CACNA1C: variants seen among roughly 807,000 people sequenced by gnomAD.
The protein encoded by CACNA1C is calcium voltage-gated channel subunit alpha1 C.
A neutral mutation model predicts 229.0 loss-of-function variants in CACNA1C; 30 were observed. The observed-to-expected ratio is 0.13, with a 90% CI of 0.10 to 0.18. The LOEUF (loss-of-function observed/expected upper bound fraction) is 0.18, where lower values mean the gene tolerates loss of function less well. CACNA1C is among the 10% of genes least tolerant of loss of function. The probability of loss-of-function intolerance (pLI) is 1.00; values close to 1 mark genes in which losing one functional copy is unlikely to be tolerated. For missense variants in CACNA1C, 1,658 were observed against 2,845.0 expected (o/e 0.58, Z 9.49); for synonymous variants, 1,114 against 1,132.5 (o/e 0.98, Z 0.33).
chr12:2,091,370 C>A (rs1054158664), intron 1 of CACNA1C, among the ~76,000 whole-genome samples: 1 of 152,224 alleles, frequency 6.6e-6, no homozygotes, highest in African/African-American at 2.4e-5. Flanking sequence ...TGGCTTAAAA[C>A]AACACAGTTT....
chr12:2,305,358 G>C (rs1346480392), intron 3 of CACNA1C, among the ~76,000 whole-genome samples: 1 of 152,240 alleles, frequency 6.6e-6, no homozygotes, highest in East Asian at 1.9e-4. Flanking sequence ...TTATGGTGCA[G>C]CCTCAGGTGG....
At chr12:2,126,509 T>G (rs2090126427) in intron 3 of CACNA1C, among the ~76,000 whole-genome samples, 1 of 152,190 alleles carries the variant, frequency 6.6e-6, no homozygotes, top group South Asian at 2.1e-4. Context: ...AGTTGAAATA[T>G]TAAGAGAATA....
intron 3 of CACNA1C, among the ~76,000 whole-genome samples, chr12:2,224,736 A>G (rs181640421): frequency 6.6e-6 from 1 of 152,330 alleles, no homozygotes; most frequent in East Asian, 1.9e-4. Context: ...AGTGTTGGAG[A>G]TAATTACATC....
chr12:2,515,193 A>G (rs1350983247), intron 9 of CACNA1C, among the ~76,000 whole-genome samples: 2 of 152,210 alleles, frequency 1.3e-5, no homozygotes, highest in Non-Finnish European at 2.9e-5. Flanking sequence ...GGGAATGAAT[A>G]TTTTAAAAAG....
At chr12:2,670,767 G>A (rs2153736095) in intron 38 of CACNA1C, among the ~76,000 whole-genome samples, 1 of 152,014 alleles carries the variant, frequency 6.6e-6, no homozygotes, top group African/African-American at 2.4e-5. Context: ...GCTGAGGCAG[G>A]AGAATCGCTT....
chr12:2,372,886 T>A (rs2097909623), intron 3 of CACNA1C, among the ~76,000 whole-genome samples: 1 of 152,208 alleles, frequency 6.6e-6, no homozygotes, highest in Admixed American at 6.5e-5. Flanking sequence ...GGCCAGGGGC[T>A]CGTTAGCAAT....
chr12:2,553,014 C>T (rs535531297), intron 10 of CACNA1C, among the ~76,000 whole-genome samples: 25 of 151,732 alleles, frequency 1.6e-4, no homozygotes, highest in East Asian at 1.2e-3. Context: ...AGGAGAAGGG[C>T]GACAGCAAAG....
At chr12:2,204,078 AG>A in intron 3 of CACNA1C, among the ~76,000 whole-genome samples, 1 of 152,128 alleles carries the variant, frequency 6.6e-6, no homozygotes, top group East Asian at 1.9e-4. Flanking sequence ...ACAGTGTAAA[AG>A]TGTTCCTATT....
Position 2,595,792 on chromosome 12 carries a change from G to A in CACNA1C, c.2664-82G>A. The A allele has an allele frequency of 7.2e-7, 1 of 1,394,404 alleles. No homozygotes were observed. The highest frequency in any genetic ancestry group is 9.9e-7 in the Non-Finnish European group (1 of 1,005,742). The allele number at this position is 1,394,404 out of a possible 1,614,324, so 86.4% of individuals were successfully genotyped here. A position where few individuals can be genotyped will look rare whatever the true frequency, so the allele number is the denominator to read the frequency against. ...GTTGCCAGCTGCTGGGGAGAGCTGAGGAGAGGGGCTCCCAAGAGCCGACTG... is the reference window on the plus strand; with the variant it reads ...GTTGCCAGCTGCTGGGGAGAGCTGAAGAGAGGGGCTCCCAAGAGCCGACTG... On this transcript the variant is annotated intron_variant, in intron 19 of 46. Coordinates refer to ENST00000399655, the MANE Select transcript of CACNA1C (RefSeq NM_000719.7). This position sits in a 1 kb window ranked among gnomAD's most constrained non-coding sequence, Gnocchi z 4.1.
intron 5 of CACNA1C, among the ~76,000 whole-genome samples, chr12:2,478,362 T>G (rs960897092): frequency 6.6e-6 from 1 of 152,208 alleles, no homozygotes; most frequent in Admixed American, 6.5e-5. Flanking sequence ...ATGGCCAGCG[T>G]GCCCTAGGGC....
chr12:2,241,025 T>C (rs1165942807), intron 3 of CACNA1C, among the ~76,000 whole-genome samples: 1 of 152,074 alleles, frequency 6.6e-6, no homozygotes, highest in Non-Finnish European at 1.5e-5. Context: ...ATTTCACATG[T>C]TTCTCAAATA....
Position 2,562,176 on chromosome 12 carries a change from G to A in CACNA1C, c.1509-4246G>A, listed in dbSNP as rs563438754. ...CTGTCCACTCCGGCCACTCCTCAGG[G>A]GTCTGTGCAGAGCAGCTCCAGACCC... On this transcript the variant is annotated intron_variant, in intron 11 of 46. Coordinates refer to ENST00000399655, the MANE Select transcript of CACNA1C (RefSeq NM_000719.7). Among the ~76,000 whole-genome samples, 57 of 151,612 alleles carry A rather than the reference G, an allele frequency of 3.8e-4. 1 individual carries two copies. Among genetic ancestry groups the A allele is most frequent in the South Asian group, 6.3e-4 (3 of 4,762 alleles).
chr12:2,538,823 A>C (rs2099862003), intron 9 of CACNA1C, among the ~76,000 whole-genome samples: 1 of 152,240 alleles, frequency 6.6e-6, no homozygotes, highest in Non-Finnish European at 1.5e-5. Context: ...GTTTTCTGAA[A>C]GAGAAAATTA....
intron 1 of CACNA1C, among the ~76,000 whole-genome samples, chr12:2,032,886 C>T (rs2048467945): frequency 6.6e-6 from 1 of 152,206 alleles, no homozygotes; most frequent in Non-Finnish European, 1.5e-5. Flanking sequence ...AAGCGCTGGT[C>T]CTGGAAATAA....
rs780102514 is a variant in CACNA1C, at chr12:2,677,901, T to C, written c.5091+34T>C. On this transcript the variant is annotated intron_variant, in intron 41 of 46. Coordinates refer to ENST00000399655, the MANE Select transcript of CACNA1C (RefSeq NM_000719.7). The surrounding 1 kb of genome is among the most constrained non-coding windows in gnomAD (Gnocchi z 7.4). ...TGCCATGGCGCACTCTCGACCCCTATAAAGTTCAGTTTGGAGCAAGAGGTT... is the reference window on the plus strand; with the variant it reads ...TGCCATGGCGCACTCTCGACCCCTACAAAGTTCAGTTTGGAGCAAGAGGTT... 6.2e-7 allele frequency: 1 copy of C among 1,610,780 alleles called. No homozygotes were observed. The highest frequency in any genetic ancestry group is 2.2e-5 in the East Asian group (1 of 44,768).
At chr12:2,013,844 G>A (rs2044855666) in intron 1 of CACNA1C, among the ~76,000 whole-genome samples, 1 of 152,176 alleles carries the variant, frequency 6.6e-6, no homozygotes, top group South Asian at 2.1e-4. Context: ...ATTGCTGAAA[G>A]AGCTCTTAGA....
chr12:2,035,885 C>T (rs535538281), intron 1 of CACNA1C, among the ~76,000 whole-genome samples: 1 of 152,136 alleles, frequency 6.6e-6, no homozygotes, highest in Non-Finnish European at 1.5e-5. Flanking sequence ...TTCTTTATGC[C>T]GGATCTAAAT....
chr12:2,406,664 A>G (rs59679560), intron 3 of CACNA1C, among the ~76,000 whole-genome samples: 28,588 of 152,026 alleles, frequency 0.19, 3,218 homozygotes, highest in African/African-American at 0.31. Context: ...GACTTTCTGC[A>G]TTTCCACGGT....
At position 2,324,999 on chromosome 12, in the gene CACNA1C, G is replaced by A. The variant is rs115734188; in HGVS notation, c.478-123977G>A. On this transcript the variant is annotated intron_variant, in intron 3 of 46. Transcript: ENST00000399655. ...ACACTGAGGCTCAGAGAGGTTAAATGACTGACAAAAGAGGTTAAATCACAC... is the reference window on the plus strand; with the variant it reads ...ACACTGAGGCTCAGAGAGGTTAAATAACTGACAAAAGAGGTTAAATCACAC... 4.9e-3 allele frequency among the ~76,000 whole-genome samples: 740 copies of A among 152,326 alleles called. 1 individual carries two copies. Among genetic ancestry groups the A allele is most frequent in the African/African-American group, 0.017 (687 of 41,574 alleles).
Sources: allele counts gnomAD v4.1 joint callset (sites outside exome capture counted in the v4.1 genomes callset), GRCh38; gene constraint gnomAD v4.1.1; non-coding constraint Gnocchi (gnomAD v3.1); transcripts MANE v1.5; gene names NCBI Gene and HGNC (gene_info 2026-07-23, HGNC 2026-07-21).